The following THSD7B variants were observed in gnomAD, a reference collection of about 807,000 sequenced individuals.
THSD7B encodes thrombospondin type 1 domain containing 7B, also known as thrombospondin type-1 domain-containing protein 7B.
A neutral mutation model predicts 213.6 loss-of-function variants in THSD7B; 138 were observed. The ratio of observed to expected loss-of-function variants is 0.65; its 90% CI spans 0.56 to 0.74. The LOEUF is 0.74. THSD7B is among the 30% of genes least tolerant of loss of function. The pLI is 0.00. For missense variants in THSD7B, 1,931 were observed against 1,991.5 expected, an observed-to-expected ratio of 0.97 and a Z score of 0.58; for synonymous variants, 742 against 687.0, an observed-to-expected ratio of 1.08 and a Z score of -1.25.
chr2:137,494,968 C>T (rs1165845745), intron 15 of THSD7B, among the ~76,000 whole-genome samples: 1 of 152,104 alleles, frequency 6.6e-6, no homozygotes, highest in Admixed American at 6.6e-5. Context: ...CCTTGATTAC[C>T]ATCTCTACCC....
At chr2:136,924,718 C>T (rs1684493339) in intron 2 of THSD7B, among the ~76,000 whole-genome samples, 1 of 152,088 alleles carries the variant, frequency 6.6e-6, no homozygotes, top group Non-Finnish European at 1.5e-5. Flanking sequence ...CACAAAGTGT[C>T]ATTGGAGTTT....
chr2:137,141,152 C>A (rs1284584885), intron 5 of THSD7B, among the ~76,000 whole-genome samples: 1 of 152,042 alleles, frequency 6.6e-6, no homozygotes, highest in Non-Finnish European at 1.5e-5. Flanking sequence ...GGTCCCTTAC[C>A]AGGGCCAGAT....
intron 1 of THSD7B, among the ~76,000 whole-genome samples, chr2:136,781,840 G>A (rs1326884434): frequency 6.6e-6 from 1 of 152,050 alleles, no homozygotes; most frequent in Non-Finnish European, 1.5e-5. Flanking sequence ...TTGCTACTCT[G>A]CTCTCCTAGA....
chr2:137,320,509 A>G (rs1404839503), intron 12 of THSD7B, among the ~76,000 whole-genome samples: 1 of 152,204 alleles, frequency 6.6e-6, no homozygotes, highest in African/African-American at 2.4e-5. Context: ...ATAAAGCCTT[A>G]TTAACTTTGA....
intron 15 of THSD7B, among the ~76,000 whole-genome samples, chr2:137,549,602 A>G (rs1680807411): frequency 1.3e-5 from 2 of 152,040 alleles, no homozygotes; most frequent in Non-Finnish European, 2.9e-5. Flanking sequence ...TGTTATCTAC[A>G]GGCACGGCAT....
intron 21 of THSD7B, among the ~76,000 whole-genome samples, chr2:137,650,704 T>C (rs1683122341): frequency 6.6e-6 from 1 of 152,232 alleles, no homozygotes; most frequent in African/African-American, 2.4e-5. Context: ...TTCAATACAA[T>C]GTTAGCTGTG....
chr2:137,304,514 T>G (rs879706679), intron 12 of THSD7B, among the ~76,000 whole-genome samples: 5 of 152,062 alleles, frequency 3.3e-5, no homozygotes, highest in Non-Finnish European at 5.9e-5. Flanking sequence ...AAAAAAGACT[T>G]TTAAAGGAAA....
At chr2:137,289,889 C>G (rs1352727697) in intron 12 of THSD7B, among the ~76,000 whole-genome samples, 3 of 151,914 alleles carry the variant, frequency 2.0e-5, no homozygotes, top group Non-Finnish European at 4.4e-5. Flanking sequence ...GGGGATATGA[C>G]TGAATGCATA....
At chr2:137,455,579 A>G (rs911511239) in intron 15 of THSD7B, among the ~76,000 whole-genome samples, 3 of 152,180 alleles carry the variant, frequency 2.0e-5, no homozygotes, top group Admixed American at 6.5e-5. Context: ...CTCTTTCTCT[A>G]AAAGTGCCTA....
chr2:137,041,585 C>T (rs371166334), intron 2 of THSD7B, among the ~76,000 whole-genome samples: 95 of 149,638 alleles, frequency 6.3e-4, no homozygotes, highest in African/African-American at 1.9e-3. Context: ...AAAACTACAT[C>T]GTACGTAAGA....
chr2:137,323,881 A>C (rs1352157812), intron 12 of THSD7B, among the ~76,000 whole-genome samples: 1 of 152,238 alleles, frequency 6.6e-6, no homozygotes, highest in Non-Finnish European at 1.5e-5. Context: ...TGGCTCTAGC[A>C]AAGCAGAATG....
chr2:137,247,845 C>A (rs1682074680), intron 10 of THSD7B, among the ~76,000 whole-genome samples: 1 of 152,122 alleles, frequency 6.6e-6, no homozygotes, highest in East Asian at 1.9e-4. Flanking sequence ...TGATTCAAAT[C>A]TCATCTCTGC....
chr2:136,955,954 G>T (rs1316901640), intron 2 of THSD7B, among the ~76,000 whole-genome samples: 1 of 151,626 alleles, frequency 6.6e-6, no homozygotes, highest in African/African-American at 2.4e-5. Context: ...CACCACGCCC[G>T]GGAGGCAGAG....
At chr2:137,429,583 A>G (rs1385484162) in intron 14 of THSD7B, among the ~76,000 whole-genome samples, 1 of 152,198 alleles carries the variant, frequency 6.6e-6, no homozygotes, top group Non-Finnish European at 1.5e-5. Flanking sequence ...AATGTAAAAC[A>G]TACCAAAAGA....
intron 5 of THSD7B, among the ~76,000 whole-genome samples, chr2:137,143,015 C>G (rs1201679713): frequency 6.6e-6 from 1 of 152,048 alleles, no homozygotes; most frequent in Non-Finnish European, 1.5e-5. Flanking sequence ...GATAAAAAGT[C>G]TAGCATCCTA....
In THSD7B at chr2:137,397,685, G is replaced by A. The variant is rs1215646047; in HGVS notation, c.2501-7928G>A. The stretch of plus-strand genomic sequence containing the variant: ...GAGGAGTATCTTTGTGGCGTTCTCT[G>A]TATTTCCTGAATCTGAACGTTGGCC... On this transcript the variant is annotated intron_variant, in intron 12 of 27. Coordinates refer to ENST00000409968, the MANE Select transcript of THSD7B (RefSeq NM_001316349.2). Among the ~76,000 whole-genome samples, 6 of 151,834 alleles carry A rather than the reference G, an allele frequency of 4.0e-5. No homozygotes were observed. The East Asian group carries it at 1.2e-3, about 29-fold the overall frequency.
At chr2:137,171,770 C>T (rs981887429) in intron 7 of THSD7B, among the ~76,000 whole-genome samples, 1 of 152,172 alleles carries the variant, frequency 6.6e-6, no homozygotes, top group African/African-American at 2.4e-5. Flanking sequence ...ATTCAGAGCA[C>T]ACAGGGTTGA....
At chr2:137,488,207 A>G (rs888298388) in intron 15 of THSD7B, among the ~76,000 whole-genome samples, 1 of 152,176 alleles carries the variant, frequency 6.6e-6, no homozygotes, top group Non-Finnish European at 1.5e-5. Context: ...ACTAGTTTTT[A>G]TAATATGTCA....
intron 6 of THSD7B, among the ~76,000 whole-genome samples, chr2:137,168,598 AT>A (rs990298363): frequency 2.6e-5 from 4 of 152,174 alleles, no homozygotes; most frequent in Non-Finnish European, 5.9e-5. Context: ...AACTTGATTT[AT>A]GGAGGAAAAC....
Sources: allele counts gnomAD v4.1 joint callset (sites outside exome capture counted in the v4.1 genomes callset), GRCh38; gene constraint gnomAD v4.1.1; transcripts MANE v1.5; gene names NCBI Gene and HGNC (gene_info 2026-07-23, HGNC 2026-07-21).